The following SHISA6 variants were observed in gnomAD, a reference collection of about 807,000 sequenced individuals.
The protein encoded by SHISA6 is shisa family member 6, also known as protein shisa-6.
SHISA6 carries 22 observed loss-of-function variants against 47.9 expected under a neutral mutation model. The ratio of observed to expected loss-of-function variants is 0.46; its 90% confidence interval spans 0.33 to 0.66. SHISA6 has a LOEUF of 0.66. SHISA6 is among the 30% of genes least tolerant of loss of function. The pLI, the probability that SHISA6 is intolerant of heterozygous loss-of-function variation, is 0.02. For synonymous variants in SHISA6, 388 were observed against 337.8 expected, an observed-to-expected ratio of 1.15 and a Z score of -1.63; for missense variants, 680 against 764.6, an observed-to-expected ratio of 0.89 and a Z score of 1.30.
At chr17:11,541,760 G>A (rs956210576) in intron 3 of SHISA6, among the ~76,000 whole-genome samples, 1 of 152,124 alleles carries the variant, frequency 6.6e-6, no homozygotes, top group African/African-American at 2.4e-5. Flanking sequence ...CCCAGGGAGT[G>A]AGGACACAAC....
chr17:11,401,955 A>G (rs1913788124), intron 3 of SHISA6, among the ~76,000 whole-genome samples: 1 of 152,242 alleles, frequency 6.6e-6, no homozygotes, highest in South Asian at 2.1e-4. Flanking sequence ...GCAGTAGAAT[A>G]GGGACAGGGA....
chr17:11,373,456 A>C (rs1038258243), intron 2 of SHISA6, among the ~76,000 whole-genome samples: 1 of 152,192 alleles, frequency 6.6e-6, no homozygotes, highest in Non-Finnish European at 1.5e-5. Flanking sequence ...AGCATAGGAA[A>C]TGAAACAGAG....
chr17:11,243,562 G>A (rs1346298711), intron 1 of SHISA6, among the ~76,000 whole-genome samples: 1 of 152,172 alleles, frequency 6.6e-6, no homozygotes, highest in East Asian at 1.9e-4. Flanking sequence ...GCTCTCAAAT[G>A]CAGAAGACAA....
rs144055837 is a variant in SHISA6, at chr17:11,376,187, A to T, written c.800-3227A>T. On this transcript the variant is annotated intron_variant, in intron 2 of 5. Coordinates refer to ENST00000441885, the MANE Select transcript of SHISA6 (RefSeq NM_207386.4). ...GTGGTTCTTTGTGTTACAGCTAACA[A>T]ATCCTATGATACCCACTCATATAAT... Among the ~76,000 whole-genome samples, 252 of 152,286 alleles carry T rather than the reference A, an allele frequency of 1.7e-3. 7 individuals carry two copies. The East Asian group carries it at 0.044, about 27-fold the overall frequency.
chr17:11,357,381 T>G (rs1032550276), intron 2 of SHISA6, among the ~76,000 whole-genome samples: 1 of 152,100 alleles, frequency 6.6e-6, no homozygotes, highest in Non-Finnish European at 1.5e-5. Context: ...AAATAGAATA[T>G]TTCTAATTAT....
intron 2 of SHISA6, among the ~76,000 whole-genome samples, chr17:11,339,164 TTA>T (rs1491159693): frequency 2.1e-5 from 3 of 142,354 alleles, no homozygotes; most frequent in Middle Eastern, 3.6e-3. Context: ...TAAAGTATGA[TTA>T]AAAAAAAAAA....
chr17:11,285,465 G>A (rs1367699628), intron 2 of SHISA6, among the ~76,000 whole-genome samples: 2 of 152,174 alleles, frequency 1.3e-5, no homozygotes, highest in Non-Finnish European at 2.9e-5. Context: ...CTTAAAAAGG[G>A]GAGAAGGGGT....
intron 2 of SHISA6, among the ~76,000 whole-genome samples, chr17:11,355,347 T>C (rs1367355124): frequency 1.3e-5 from 2 of 152,270 alleles, no homozygotes; most frequent in Non-Finnish European, 2.9e-5. Context: ...CTTTACCTTG[T>C]ACATAGGTCT....
chr17:11,266,560 GT>G (rs1419147476), intron 2 of SHISA6, among the ~76,000 whole-genome samples: 4 of 152,254 alleles, frequency 2.6e-5, no homozygotes, highest in African/African-American at 7.2e-5. Context: ...AAGTTTCTTT[GT>G]CTGCTATTGA....
At chr17:11,287,724 A>AGGGAGGGAGGGGGCAGGGAGGGAG (rs1167552234) in intron 2 of SHISA6, among the ~76,000 whole-genome samples, 1 of 13,844 alleles carries the variant, frequency 7.2e-5, no homozygotes, top group Non-Finnish European at 1.3e-4. Flanking sequence ...GGAGGGAGGG[A>AGGGAGGGAGGGGGCAGGGAGGGAG]GGAAGGGGCT....
chr17:11,248,286 T>G (rs1907667117), intron 1 of SHISA6, among the ~76,000 whole-genome samples: 1 of 152,128 alleles, frequency 6.6e-6, no homozygotes, highest in South Asian at 2.1e-4. Flanking sequence ...ATTCTATTCT[T>G]TTGTCATCTA....
chr17:11,437,356 G>C (rs904483868), intron 3 of SHISA6, among the ~76,000 whole-genome samples: 1 of 152,154 alleles, frequency 6.6e-6, no homozygotes, highest in South Asian at 2.1e-4. Flanking sequence ...AATAAACACA[G>C]AACATTCTCG....
rs1189018437 is a variant in SHISA6, at chr17:11,242,061, G to A, written c.638+1G>A. ...CTCCACGGGAGATGAACATCCACAGGTGAGAGCGCCGCGTGCCGCGCGCCC... is the reference window on the plus strand; with the variant it reads ...CTCCACGGGAGATGAACATCCACAGATGAGAGCGCCGCGTGCCGCGCGCCC... On this transcript the variant is annotated splice_donor_variant, in intron 1 of 5. Coordinates refer to ENST00000441885, the MANE Select transcript of SHISA6 (RefSeq NM_207386.4). LOFTEE classifies it high-confidence loss of function. 6.5e-7 allele frequency: 1 copy of A among 1,550,012 alleles called. No homozygotes were observed. The highest frequency in any genetic ancestry group is 1.4e-5 in the African/African-American group (1 of 73,032).
intron 2 of SHISA6, among the ~76,000 whole-genome samples, chr17:11,331,220 T>G (rs530180598): frequency 6.6e-6 from 1 of 152,308 alleles, no homozygotes; most frequent in East Asian, 1.9e-4. Flanking sequence ...TGCATTACCC[T>G]TCTTTATTGG....
intron 3 of SHISA6, among the ~76,000 whole-genome samples, chr17:11,504,315 T>C (rs1475834255): frequency 6.6e-6 from 1 of 152,178 alleles, no homozygotes; most frequent in East Asian, 1.9e-4. Flanking sequence ...GAAAGCTCCA[T>C]GGCCCCAATC....
chr17:11,524,053 G>GA (rs1567628852), intron 3 of SHISA6, among the ~76,000 whole-genome samples: 1 of 149,322 alleles, frequency 6.7e-6, no homozygotes, highest in Non-Finnish European at 1.5e-5. Context: ...GAAAGAAAAA[G>GA]AAGAAAGAAA....
At chr17:11,321,219 A>G (rs1014380517) in intron 2 of SHISA6, among the ~76,000 whole-genome samples, 1 of 152,148 alleles carries the variant, frequency 6.6e-6, no homozygotes, top group South Asian at 2.1e-4. Context: ...GAGATATAGG[A>G]TTTTAGCTAT....
At chr17:11,277,746 C>T (rs1191316961) in intron 2 of SHISA6, among the ~76,000 whole-genome samples, 1 of 152,080 alleles carries the variant, frequency 6.6e-6, no homozygotes, top group African/African-American at 2.4e-5. Context: ...TTCCTTCTAT[C>T]TGGTTGCTCT....
At chr17:11,428,850 T>C (rs1319583324) in intron 3 of SHISA6, among the ~76,000 whole-genome samples, 1 of 148,606 alleles carries the variant, frequency 6.7e-6, no homozygotes. Context: ...AGTGGCACGA[T>C]CTCTGCTTAC....
Sources: gnomAD v4.1 joint callset for allele counts (sites outside exome capture counted in the v4.1 genomes callset) on GRCh38, gnomAD v4.1.1 for gene constraint, MANE v1.5 for transcripts, NCBI Gene and HGNC (gene_info 2026-07-23, HGNC 2026-07-21) for gene names.